The following DROSHA variants were observed in gnomAD, a reference collection of about 807,000 sequenced individuals.
The protein encoded by DROSHA is drosha ribonuclease III, also known as ribonuclease 3.
In DROSHA, 56 loss-of-function variants were observed where a neutral mutation model predicts 181.9. The observed-to-expected ratio is 0.31, with a 90% CI of 0.25 to 0.38. The LOEUF is 0.38. DROSHA is among the 10% of genes least tolerant of loss of function. The pLI, the probability that DROSHA is intolerant of heterozygous loss-of-function variation, is 1.00. For synonymous variants in DROSHA, 524 were observed against 591.2 expected, an observed-to-expected ratio of 0.89 and a Z score of 1.65; for missense variants, 1,218 against 1,743.5, an observed-to-expected ratio of 0.70 and a Z score of 5.37.
chr5:31,501,845 C>T (rs1753607549), intron 11 of DROSHA, among the ~76,000 whole-genome samples: 1 of 152,188 alleles, frequency 6.6e-6, no homozygotes, highest in South Asian at 2.1e-4. Context: ...GAGCTCCCGA[C>T]GGTCGGGGCA....
chr5:31,525,998 T>G, intron 5 of DROSHA, 81 bp downstream of exon 5: 9 of 1,354,842 alleles, frequency 6.6e-6, no homozygotes, highest in African/African-American at 1.5e-5. Flanking sequence ...ACTGGATCCT[T>G]TTGGTTTGGT....
In DROSHA at chr5:31,453,928, T is replaced by TA. The variant is rs59797989; in HGVS notation, c.2575-2289dup. Reference sequence around the variant, plus strand: ...CTTTATGTCTGCCAACTGCTTTAATTAAAAAAAAAAAAAAACCCTCAAATT... The same window carrying TA: ...CTTTATGTCTGCCAACTGCTTTAATTAAAAAAAAAAAAAAAACCCTCAAATT... On this transcript the variant is annotated intron_variant, in intron 20 of 35. Transcript: ENST00000344624. Among the ~76,000 whole-genome samples the TA allele has an allele frequency of 6.0e-3, 822 of 136,282 alleles. 4 individuals carry two copies. Among genetic ancestry groups the TA allele is most frequent in the African/African-American group, 6.5e-3 (248 of 38,208 alleles). The allele number at this position is 136,282 out of a possible 152,430, so 89.4% of individuals were successfully genotyped here. A position where few individuals can be genotyped will look rare whatever the true frequency, so the allele number is the denominator to read the frequency against.
chr5:31,481,825 G>T (rs547389462), intron 16 of DROSHA, among the ~76,000 whole-genome samples: 23 of 152,320 alleles, frequency 1.5e-4, no homozygotes, highest in African/African-American at 5.5e-4. Context: ...CAGGAGGAAA[G>T]TAAGGAGCAC....
Position 31,449,300 on chromosome 5 carries a change from G to T in DROSHA, c.2802C>A (p.His934Gln). The T allele has an allele frequency of 1.2e-6, 2 of 1,613,866 alleles. No homozygotes were observed. The highest frequency in any genetic ancestry group is 1.7e-6 in the Non-Finnish European group (2 of 1,179,856). The stretch of plus-strand genomic sequence containing the variant: ...ACATACCTTTCTTCCGCATGTGCAT[G>T]TGATGAACTTTTCTGTCTCCGTATT... ...QPKYGDRKVHHMHMRKKGINT... is the reference protein window; with the variant it reads ...QPKYGDRKVHQMHMRKKGINT... The change falls in exon 22 of 36, where the codon CAC (histidine) becomes CAA (glutamine). Residue 934 changes from histidine to glutamine, a missense_variant. Physicochemically the swap from His to Gln is conservative, Grantham distance 24. Transcript: ENST00000344624.
chr5:31,417,975 G>A (rs1400649110), intron 30 of DROSHA, among the ~76,000 whole-genome samples: 2 of 152,136 alleles, frequency 1.3e-5, no homozygotes, highest in Non-Finnish European at 2.9e-5. Context: ...CTGCCTGAGA[G>A]GCTGTCCATC....
At chr5:31,435,926 G>C (rs1744733238) in intron 24 of DROSHA, 62 bp from the exon 25 acceptor site, 2 of 1,504,164 alleles carry the variant, frequency 1.3e-6, no homozygotes, top group African/African-American at 1.4e-5. Flanking sequence ...CTGTGGCTCT[G>C]AGTCACAGAA....
In DROSHA at chr5:31,530,780, T is replaced by C. The variant is rs1422320339; in HGVS notation, c.-47+18A>G. 2.5e-6 allele frequency: 1 copy of C among 398,304 alleles called. No homozygotes were observed. The highest frequency in any genetic ancestry group is 4.4e-6 in the Non-Finnish European group (1 of 225,996). 24.7% of individuals were successfully genotyped at this position (398,304 alleles called of 1,614,324 possible). On this transcript the variant is annotated intron_variant, in intron 3 of 35. Coordinates refer to ENST00000344624, the MANE Select transcript of DROSHA (RefSeq NM_001382508.1). ...CCCTCTAGACTTAGTCTATACTTAATCCTTTTACAGCACTTACCAGAGACT... is the reference window on the plus strand; with the variant it reads ...CCCTCTAGACTTAGTCTATACTTAACCCTTTTACAGCACTTACCAGAGACT...
intron 6 of DROSHA, among the ~76,000 whole-genome samples, 162 bp from the exon 7 acceptor site, chr5:31,515,726 T>C (rs1739206513): frequency 6.6e-6 from 1 of 152,222 alleles, no homozygotes; most frequent in Non-Finnish European, 1.5e-5. Flanking sequence ...AAATTTGGCC[T>C]GAGGACTATA....
At chr5:31,425,560 T>C (rs1743359075) in intron 27 of DROSHA, among the ~76,000 whole-genome samples, 2 of 152,178 alleles carry the variant, frequency 1.3e-5, no homozygotes, top group South Asian at 2.1e-4. Context: ...ACCTATTCAT[T>C]ACCATTTCCA....
chr5:31,434,878 G>A (rs924445493), intron 25 of DROSHA, among the ~76,000 whole-genome samples: 2 of 152,132 alleles, frequency 1.3e-5, no homozygotes, highest in Admixed American at 6.5e-5. Flanking sequence ...CAAGAACATG[G>A]GTAGCATCAA....
At chr5:31,462,295 G>A (rs1748494573) in intron 20 of DROSHA, among the ~76,000 whole-genome samples, 1 of 152,118 alleles carries the variant, frequency 6.6e-6, no homozygotes, top group Non-Finnish European at 1.5e-5. Context: ...TCCATTCAGA[G>A]GACCAGAGAA....
chr5:31,421,158 T>A (rs1365592720), intron 30 of DROSHA, 114 bp downstream of exon 30: 3 of 802,902 alleles, frequency 3.7e-6, no homozygotes, highest in East Asian at 5.0e-5. Flanking sequence ...AAGCCAATGA[T>A]AAGCTAAAGT....
chr5:31,514,521 C>T lies in DROSHA; in HGVS notation c.1290+467G>A, dbSNP rs939648065. Among the ~76,000 whole-genome samples, 63 of 151,900 alleles carry T rather than the reference C, an allele frequency of 4.1e-4. 1 individual carries two copies. The highest frequency in any genetic ancestry group is 6.8e-4 in the Non-Finnish European group (46 of 67,992). ...TAGCCAGTCATGGTGGCACGTGCCC[C>T]GTAGTTCCAGCTACTCAGGAGGCTG... On this transcript the variant is annotated intron_variant, in intron 8 of 35. Coordinates refer to ENST00000344624, the MANE Select transcript of DROSHA (RefSeq NM_001382508.1). This position sits in a 1 kb window ranked among gnomAD's most constrained non-coding sequence, Gnocchi z 4.4.
At chr5:31,430,304 T>C (rs973557907) in intron 26 of DROSHA, among the ~76,000 whole-genome samples, 2 of 152,218 alleles carry the variant, frequency 1.3e-5, no homozygotes, top group East Asian at 1.9e-4. Flanking sequence ...GAAACACTTA[T>C]GTCCTGGGTA....
At chr5:31,481,310 C>A (rs988246972) in intron 16 of DROSHA, among the ~76,000 whole-genome samples, 1 of 152,112 alleles carries the variant, frequency 6.6e-6, no homozygotes, top group African/African-American at 2.4e-5. Flanking sequence ...AGACCTTTTT[C>A]TTTATGACAA....
intron 5 of DROSHA, among the ~76,000 whole-genome samples, chr5:31,523,976 CAA>C (rs10718385): frequency 0.45 from 47,822 of 105,412 alleles, 8,907 homozygotes; most frequent in Non-Finnish European, 0.48. Context: ...ACTTTGTCTC[CAA>C]AAAAAAAAAA....
chr5:31,525,490 C>G (rs919048812), intron 5 of DROSHA, among the ~76,000 whole-genome samples: 2 of 115,626 alleles, frequency 1.7e-5, no homozygotes, highest in Non-Finnish European at 3.3e-5. Context: ...GGCAACATAG[C>G]GAGATTCTGT....
rs541869091 is a variant in DROSHA at position 31,427,262 on chromosome 5, C to T, written c.3216+2213G>A. On this transcript the variant is annotated intron_variant, in intron 27 of 35. Transcript: ENST00000344624. ...GGCATAGGAAAAATCACATTAACAC[C>T]ACTCTAGCTTTCTAAGCGGGCCATT... Among the ~76,000 whole-genome samples the T allele has an allele frequency of 4.6e-5, 7 of 152,234 alleles. No homozygotes were observed. The East Asian group carries it at 1.4e-3, about 29-fold the overall frequency.
chr5:31,447,232 G>C (rs75393756), intron 23 of DROSHA, among the ~76,000 whole-genome samples: 2 of 152,044 alleles, frequency 1.3e-5, no homozygotes, highest in African/African-American at 4.8e-5. Flanking sequence ...AGGGCCTTTC[G>C]GAAGGTGGAG....
Sources: gnomAD v4.1 joint callset for allele counts (sites outside exome capture counted in the v4.1 genomes callset) on GRCh38, gnomAD v4.1.1 for gene constraint, Gnocchi (gnomAD v3.1) non-coding constraint, MANE v1.5 for transcripts, NCBI Gene and HGNC (gene_info 2026-07-23, HGNC 2026-07-21) for gene names.